The following AGR3 variants were observed in gnomAD, a reference collection of about 807,000 sequenced individuals.
AGR3 encodes the protein anterior gradient protein 3.
AGR3 carries 37 observed loss-of-function variants against 24.5 expected under a neutral mutation model. That is an observed-to-expected ratio of 1.51 (90% confidence interval 1.16 to 1.99). The LOEUF is 1.99. AGR3 is among the 30% of genes most tolerant of loss of function. The pLI is 0.00. For synonymous variants in AGR3, 75 were observed against 61.6 expected (o/e 1.22, Z -1.02); for missense variants, 228 against 191.1 (o/e 1.19, Z -1.14).
intron 2 of AGR3, among the ~76,000 whole-genome samples, chr7:16,877,572 A>C (rs988579045): frequency 1.3e-5 from 2 of 151,626 alleles, no homozygotes; most frequent in Non-Finnish European, 2.9e-5. Context: ...AACTTTGAGA[A>C]TATTTTCTTG....
intron 7 of AGR3, 75 bp downstream of exon 7, chr7:16,860,425 A>G: frequency 9.2e-7 from 1 of 1,092,404 alleles, no homozygotes; most frequent in Non-Finnish European, 1.4e-6. Context: ...GCACTGATGT[A>G]GGGCTTCACT....
downstream of AGR3, among the ~76,000 whole-genome samples, chr7:16,857,018 G>C (rs968421762): frequency 2.1e-5 from 3 of 143,806 alleles, no homozygotes; most frequent in African/African-American, 7.8e-5. Context: ...TCACTATGTT[G>C]CCCAAGCCAG....
intron 2 of AGR3, 24 bp downstream of exon 2, chr7:16,878,485 AG>A (rs1562552687): frequency 1.3e-6 from 2 of 1,589,128 alleles, no homozygotes; most frequent in Non-Finnish European, 8.6e-7. Flanking sequence ...GACTGAGTTT[AG>A]AAAATAAAAT....
chr7:16,864,199 TG>T, intron 3 of AGR3: 2 of 957,336 alleles, frequency 2.1e-6, no homozygotes, highest in Non-Finnish European at 3.1e-6. Flanking sequence ...TTAACTCTGC[TG>T]AAGTACCACT....
At chr7:16,860,221 T>A (rs545009380) in intron 7 of AGR3, among the ~76,000 whole-genome samples, 5 of 152,360 alleles carry the variant, frequency 3.3e-5, no homozygotes, top group African/African-American at 4.8e-5. Context: ...ACTAGGAGAA[T>A]GGACTGTCTC....
intron 3 of AGR3, among the ~76,000 whole-genome samples, chr7:16,873,172 G>C (rs1583844278): frequency 6.6e-6 from 1 of 152,158 alleles, no homozygotes; most frequent in East Asian, 1.9e-4. Context: ...ATTCACAATA[G>C]CCAAGATATA....
chr7:16,856,976 G>GTT (rs34712776), downstream of AGR3, among the ~76,000 whole-genome samples: 5,008 of 144,184 alleles, frequency 0.035, 242 homozygotes, highest in East Asian at 0.17. Flanking sequence ...ATATAGAAAG[G>GTT]TTTTTTTTTT....
chr7:16,881,195 C>T (rs1342446301), intron 1 of AGR3, among the ~76,000 whole-genome samples: 1 of 152,064 alleles, frequency 6.6e-6, no homozygotes, highest in African/African-American at 2.4e-5. Context: ...TTTAAAGCTG[C>T]GAAGCTTAGA....
chr7:16,863,856 C>CT (rs200839764), intron 3 of AGR3, among the ~76,000 whole-genome samples: 10 of 150,804 alleles, frequency 6.6e-5, no homozygotes, highest in East Asian at 3.9e-4. Flanking sequence ...GCTAAACATG[C>CT]TTTTTTTTTA....
rs1450792854 is a variant in AGR3, at chr7:16,861,365, A to G, written c.367+19T>C. 6.4e-7 allele frequency: 1 copy of G among 1,556,216 alleles called. No individual in the cohort carries two copies. Among genetic ancestry groups the G allele is most frequent in the African/African-American group, 1.4e-5 (1 of 72,328 alleles). The stretch of plus-strand genomic sequence containing the variant: ...TCTACTAATTTTGTAGATCTGATGA[A>G]ATGAGATCACATACATACCTACAAA... On this transcript the variant is annotated intron_variant, in intron 6 of 7. Transcript: ENST00000310398.
At chr7:16,859,703 G>A (rs1291635360) in intron 7 of AGR3, 72 bp from the exon 8 acceptor site, 3 of 1,019,928 alleles carry the variant, frequency 2.9e-6, no homozygotes, top group Non-Finnish European at 4.2e-6. Flanking sequence ...ATTAACTCTA[G>A]AACCTGAAAT....
chr7:16,863,846 G>T (rs1024462710), intron 3 of AGR3, among the ~76,000 whole-genome samples: 1 of 151,506 alleles, frequency 6.6e-6, no homozygotes, highest in Non-Finnish European at 1.5e-5. Flanking sequence ...ACACTTATTT[G>T]CTAAACATGC....
At chr7:16,857,631 T>G (rs1386365801), downstream of AGR3, among the ~76,000 whole-genome samples, 5 of 152,178 alleles carry the variant, frequency 3.3e-5, no homozygotes, top group African/African-American at 1.2e-4. Context: ...TCTAGACTTT[T>G]ATCTAAAAAA....
Position 16,859,634 on chromosome 7 carries a change from G to A in AGR3, c.452-3C>T. On this transcript the variant is annotated splice_polypyrimidine_tract_variant and splice_region_variant and intron_variant, in intron 7 of 7. Transcript: ENST00000310398. ...TGCTTTCTTCATGTTTTCTATCACT[G>A]AAATAAGAGTTAATATATATTATGC... The A allele has an allele frequency of 6.7e-7, 1 of 1,484,936 alleles. No homozygotes were observed. Among genetic ancestry groups the A allele is most frequent in the Non-Finnish European group, 9.2e-7 (1 of 1,082,342 alleles). The allele number at this position is 1,484,936 out of a possible 1,614,324, so 92.0% of individuals were successfully genotyped here.
At chr7:16,871,726 C>G (rs186600561) in intron 3 of AGR3, among the ~76,000 whole-genome samples, 151 of 152,210 alleles carry the variant, frequency 9.9e-4, no homozygotes, top group African/African-American at 3.4e-3. Context: ...CCTATAATCC[C>G]AGCTACTCAG....
chr7:16,875,354 T>C (rs1240138017), intron 2 of AGR3, among the ~76,000 whole-genome samples: 1 of 152,150 alleles, frequency 6.6e-6, no homozygotes, highest in African/African-American at 2.4e-5. Flanking sequence ...AATGGAATCA[T>C]ACAATATGTA....
intron 1 of AGR3, among the ~76,000 whole-genome samples, chr7:16,879,892 T>G (rs1782069249): frequency 6.6e-6 from 1 of 152,178 alleles, no homozygotes; most frequent in Admixed American, 6.5e-5. Context: ...GTTTACAGAT[T>G]CTAGATTTCT....
intron 1 of AGR3, among the ~76,000 whole-genome samples, chr7:16,879,087 AAGAT>A (rs757929145): frequency 5.9e-5 from 9 of 152,242 alleles, no homozygotes; most frequent in Non-Finnish European, 1.2e-4. Context: ...ACTCTATACT[AAGAT>A]AAGATTATAC....
chr7:16,879,469 T>TGTA (rs1782061398), intron 1 of AGR3, among the ~76,000 whole-genome samples: 1 of 152,234 alleles, frequency 6.6e-6, no homozygotes, highest in Admixed American at 6.5e-5. Flanking sequence ...AAGTCTTTAA[T>TGTA]ACTTGTGAGA....
Sources: allele counts gnomAD v4.1 joint callset (sites outside exome capture counted in the v4.1 genomes callset), GRCh38; gene constraint gnomAD v4.1.1; transcripts MANE v1.5; gene names NCBI Gene and HGNC (gene_info 2026-07-23, HGNC 2026-07-21).